XKR4: variants seen among roughly 807,000 people sequenced by gnomAD.
The protein encoded by XKR4 is XK related 4.
In XKR4, 12 loss-of-function variants were observed where a neutral mutation model predicts 53.9. The ratio of observed to expected loss-of-function variants is 0.22; its 90% CI spans 0.14 to 0.36. The LOEUF (loss-of-function observed/expected upper bound fraction) is 0.36. Ranked by LOEUF, XKR4 falls within the 10% of genes least tolerant of loss-of-function variation. XKR4 has a pLI of 1.00. For missense variants in XKR4, 799 were observed against 859.5 expected (o/e 0.93, Z 0.88); for synonymous variants, 354 against 362.4 (o/e 0.98, Z 0.26).
chr8:55,158,390 T>C (rs1816937998), intron 1 of XKR4, among the ~76,000 whole-genome samples: 1 of 152,248 alleles, frequency 6.6e-6, no homozygotes, highest in Non-Finnish European at 1.5e-5. Flanking sequence ...TTATAGATTC[T>C]GGATGTTAGA....
intron 2 of XKR4, among the ~76,000 whole-genome samples, chr8:55,471,096 T>C (rs1805874824): frequency 6.6e-6 from 1 of 152,136 alleles, no homozygotes. Flanking sequence ...AATAACTATT[T>C]AATAATTGAG....
In XKR4 at chr8:55,436,698, C is replaced by A. The variant is rs192950274; in HGVS notation, c.1006+78821C>A. Among the ~76,000 whole-genome samples the A allele has an allele frequency of 3.3e-5, 5 of 152,274 alleles. No individual in the cohort carries two copies. In the East Asian group the frequency reaches 7.7e-4, roughly 23 times the overall value. Reference sequence around the variant, plus strand: ...GTGTCATGTCTCTGTGAAAGGAGAGCCTCGCTGGCACCAGGCACGGGATTC... The same window carrying A: ...GTGTCATGTCTCTGTGAAAGGAGAGACTCGCTGGCACCAGGCACGGGATTC... On this transcript the variant is annotated intron_variant, in intron 2 of 2. Coordinates refer to ENST00000327381, the MANE Select transcript of XKR4 (RefSeq NM_052898.2).
At chr8:55,321,621 G>T (rs1011198595) in intron 1 of XKR4, among the ~76,000 whole-genome samples, 1 of 152,078 alleles carries the variant, frequency 6.6e-6, no homozygotes, top group East Asian at 1.9e-4. Flanking sequence ...TTAAATGGTG[G>T]ATATTTTAAA....
chr8:55,247,855 C>CTTTCT (rs369983175), intron 1 of XKR4, among the ~76,000 whole-genome samples: 33 of 59,896 alleles, frequency 5.5e-4, no homozygotes, highest in African/African-American at 1.3e-3. Context: ...TTCTTTCTTT[C>CTTTCT]TTTTTTTTTT....
intron 2 of XKR4, chr8:55,450,849 G>A (rs765372928): frequency 1.0e-5 from 5 of 481,128 alleles, no homozygotes; most frequent in African/African-American, 2.0e-5. Context: ...CCATCAGCAC[G>A]GAGGAACTTG....
At chr8:55,177,748 TTATAGCATGGC>T (rs941041085) in intron 1 of XKR4, among the ~76,000 whole-genome samples, 1 of 152,236 alleles carries the variant, frequency 6.6e-6, no homozygotes, top group African/African-American at 2.4e-5. Flanking sequence ...GGATTTGATT[TTATAGCATGGC>T]TATTGTGGAC....
At chr8:55,207,178 ACTT>A (rs1817661950) in intron 1 of XKR4, among the ~76,000 whole-genome samples, 1 of 151,884 alleles carries the variant, frequency 6.6e-6, no homozygotes, top group Non-Finnish European at 1.5e-5. Flanking sequence ...TAAGGACTGT[ACTT>A]CTTTGCAGCT....
intron 2 of XKR4, chr8:55,452,724 A>T (rs577210650): frequency 1.8e-5 from 18 of 985,368 alleles, no homozygotes; most frequent in Middle Eastern, 4.1e-4. Flanking sequence ...AGCCCCAGCT[A>T]CATTGCAGGT....
chr8:55,453,360 G>T, intron 2 of XKR4: 1 of 465,320 alleles, frequency 2.1e-6, no homozygotes, highest in Non-Finnish European at 4.4e-6. Flanking sequence ...TGTTGCACAT[G>T]CAGGTACAGT....
intron 2 of XKR4, among the ~76,000 whole-genome samples, chr8:55,500,120 C>A (rs1806412975): frequency 6.8e-6 from 1 of 146,434 alleles, no homozygotes; most frequent in South Asian, 2.1e-4. Context: ...GGAGGAAGGG[C>A]ACGATGAGGA....
At chr8:55,176,748 C>G (rs1817240802) in intron 1 of XKR4, among the ~76,000 whole-genome samples, 2 of 152,030 alleles carry the variant, frequency 1.3e-5, no homozygotes, top group African/African-American at 4.8e-5. Context: ...ATTTCTCCCA[C>G]AAAATAGCTA....
intron 2 of XKR4, among the ~76,000 whole-genome samples, chr8:55,456,409 C>T (rs1468278579): frequency 6.7e-6 from 1 of 150,332 alleles, no homozygotes; most frequent in Non-Finnish European, 1.5e-5. Flanking sequence ...CCAGCCTGGG[C>T]AACAAGAGCG....
intron 1 of XKR4, among the ~76,000 whole-genome samples, chr8:55,187,684 A>T (rs573713583): frequency 2.6e-4 from 40 of 152,196 alleles, no homozygotes; most frequent in African/African-American, 8.9e-4. Flanking sequence ...CTGTTTGGGG[A>T]TGTTTTATGT....
At chr8:55,297,042 A>G (rs1268694724) in intron 1 of XKR4, among the ~76,000 whole-genome samples, 3 of 152,172 alleles carry the variant, frequency 2.0e-5, no homozygotes, top group Non-Finnish European at 4.4e-5. Flanking sequence ...ATTTATAAGC[A>G]ATAGAAAACA....
chr8:55,268,047 G>C (rs908882164), intron 1 of XKR4, among the ~76,000 whole-genome samples: 5 of 152,168 alleles, frequency 3.3e-5, no homozygotes, highest in African/African-American at 4.8e-5. Flanking sequence ...AGAAAAAGCT[G>C]TGCAGTTGGG....
intron 2 of XKR4, among the ~76,000 whole-genome samples, chr8:55,433,960 G>A (rs568663287): frequency 1.6e-4 from 24 of 152,278 alleles, no homozygotes; most frequent in African/African-American, 5.1e-4. Flanking sequence ...TCATAGCCGA[G>A]GAGACTGAGG....
rs145928275 is a variant in XKR4 at position 55,186,980 on chromosome 8, A to AT, written c.806+83696dup. Among the ~76,000 whole-genome samples the AT allele has an allele frequency of 3.7e-3, 557 of 149,682 alleles. 4 individuals carry two copies. The highest frequency in any genetic ancestry group is 0.011 in the African/African-American group (448 of 40,908). ...AAGATAAACCTCTCTTAGTTGCGCTATTTTTTTTTTCTGAAGACTGGCATT... is the reference window on the plus strand; with the variant it reads ...AAGATAAACCTCTCTTAGTTGCGCTATTTTTTTTTTTCTGAAGACTGGCATT... On this transcript the variant is annotated intron_variant, in intron 1 of 2. Transcript: ENST00000327381.
At chr8:55,482,234 A>C (rs1178448299) in intron 2 of XKR4, among the ~76,000 whole-genome samples, 1 of 152,116 alleles carries the variant, frequency 6.6e-6, no homozygotes, top group East Asian at 1.9e-4. Flanking sequence ...TGATGAGTTC[A>C]TGTCCTTTGT....
intron 1 of XKR4, among the ~76,000 whole-genome samples, chr8:55,181,732 T>A (rs1817313380): frequency 1.3e-5 from 2 of 152,162 alleles, no homozygotes; most frequent in South Asian, 4.1e-4. Context: ...GCTGGTAGAA[T>A]GAAGAGGACT....
Sources: allele counts gnomAD v4.1 joint callset (sites outside exome capture counted in the v4.1 genomes callset), GRCh38; gene constraint gnomAD v4.1.1; transcripts MANE v1.5; gene names NCBI Gene and HGNC (gene_info 2026-07-23, HGNC 2026-07-21).